Variants in COBLL1 observed in about 807,000 individuals in gnomAD.
COBLL1 encodes the protein cordon-bleu WH2 repeat protein like 1, also known as cordon-bleu protein-like 1.
In COBLL1, 50 loss-of-function variants were observed where a neutral mutation model predicts 94.8. The ratio of observed to expected loss-of-function variants is 0.53; its 90% CI spans 0.42 to 0.67. COBLL1 has a LOEUF of 0.67. COBLL1 is among the 30% of genes least tolerant of loss of function. The probability of loss-of-function intolerance (pLI) is 0.00; values close to 1 mark genes in which losing one functional copy is unlikely to be tolerated. For synonymous variants in COBLL1, 448 were observed against 473.8 expected (o/e 0.95, Z 0.71); for missense variants, 1,362 against 1,348.7 (o/e 1.01, Z -0.15).
At chr2:164,761,125 C>T (rs181711115) in intron 2 of COBLL1, among the ~76,000 whole-genome samples, 1 of 152,154 alleles carries the variant, frequency 6.6e-6, no homozygotes, top group East Asian at 1.9e-4. Context: ...AATGCAAATA[C>T]TGGCCAGGCA....
chr2:164,814,533 C>T (rs918720960), intron 2 of COBLL1, among the ~76,000 whole-genome samples: 6 of 152,128 alleles, frequency 3.9e-5, no homozygotes, highest in African/African-American at 7.2e-5. Context: ...TTTCCATATA[C>T]GTTTATCTCA....
Position 164,704,523 on chromosome 2 carries a change from A to C in COBLL1, c.1151-5T>G. 1 of 1,609,068 alleles carries C rather than the reference A, an allele frequency of 6.2e-7. No individual in the cohort carries two copies. The highest frequency in any genetic ancestry group is 8.5e-7 in the Non-Finnish European group (1 of 1,175,458). ...CTCCATCTACTGGCTGTAAGGCTAA[A>C]GGAAAGAAGCAACACAACTTATAAA... On this transcript the variant is annotated splice_region_variant and splice_polypyrimidine_tract_variant and intron_variant, in intron 8 of 13. Transcript: ENST00000652658.
At chr2:164,740,969 G>A (rs1329255566) in intron 3 of COBLL1, among the ~76,000 whole-genome samples, 1 of 152,082 alleles carries the variant, frequency 6.6e-6, no homozygotes, top group East Asian at 1.9e-4. Flanking sequence ...GAGGCATGTG[G>A]TGAAGCTTAA....
At position 164,695,025 on chromosome 2, in the gene COBLL1, T is replaced by A; in HGVS notation, c.2367A>T (p.Pro789=). 6.2e-7 allele frequency: 1 copy of A among 1,613,960 alleles called. No homozygotes were observed. The highest frequency in any genetic ancestry group is 8.5e-7 in the Non-Finnish European group (1 of 1,179,960). Residue 789 remains proline (P), a synonymous_variant, in exon 12 of 14, where the codon CCA becomes CCT. Transcript: ENST00000652658. ...QTEDSAISES[P]EEPLPNLKPK... The stretch of plus-strand genomic sequence containing the variant: ...GTTTAAGGTTTGGCAGTGGCTCTTC[T>A]GGGCTTTCAGAAATAGCAGAATCTT...
chr2:164,759,863 A>G (rs192479524), intron 2 of COBLL1, among the ~76,000 whole-genome samples: 12 of 152,336 alleles, frequency 7.9e-5, no homozygotes, highest in African/African-American at 2.9e-4. Context: ...ATCTACCACT[A>G]CACACCTAAA....
intron 11 of COBLL1, 64 bp from the exon 12 acceptor site, chr2:164,695,900 C>G: frequency 3.2e-6 from 4 of 1,241,702 alleles, no homozygotes; most frequent in Non-Finnish European, 3.3e-6. Context: ...GTTTTTAATG[C>G]CTACTTTCTC....
At chr2:164,809,693 G>C (rs1294579460) in intron 2 of COBLL1, among the ~76,000 whole-genome samples, 1 of 151,882 alleles carries the variant, frequency 6.6e-6, no homozygotes, top group East Asian at 1.9e-4. Context: ...CCATTAAACA[G>C]ACTATAAAAT....
At position 164,841,201 on chromosome 2, in the gene COBLL1, C is replaced by T; in HGVS notation, c.-5G>A. 8.1e-7 allele frequency: 1 copy of T among 1,231,994 alleles called. No homozygotes were observed. Among genetic ancestry groups the T allele is most frequent in the East Asian group, 3.2e-5 (1 of 31,556 alleles). 76.3% of individuals were successfully genotyped at this position (1,231,994 alleles called of 1,614,324 possible). A position where few individuals can be genotyped will look rare whatever the true frequency, so the allele number is the denominator to read the frequency against. On this transcript the variant is annotated 5_prime_UTR_variant, in exon 2 of 14. Transcript: ENST00000652658. This position sits in a 1 kb window ranked among gnomAD's most constrained non-coding sequence, Gnocchi z 5.5. ...GCGCGGGGTTCGGCCGTCCATCGCCCTGCGGGGCGCTGCGCGGGCTCCAGC... is the reference window on the plus strand; with the variant it reads ...GCGCGGGGTTCGGCCGTCCATCGCCTTGCGGGGCGCTGCGCGGGCTCCAGC...
rs1318837288 is a variant in COBLL1 at position 164,699,476 on chromosome 2, T to A, written c.1484A>T (p.Asp495Val). 23 of 1,611,498 alleles carry A rather than the reference T, an allele frequency of 1.4e-5. No homozygotes were observed. Among genetic ancestry groups the A allele is most frequent in the Non-Finnish European group, 2.0e-5 (23 of 1,177,914 alleles). The change falls in exon 11 of 14, where the codon GAT (aspartate) becomes GTT (valine). Residue 495 changes from aspartate to valine, a missense_variant. Physicochemically the swap from Asp to Val is radical, Grantham distance 152. Coordinates refer to ENST00000652658, the MANE Select transcript of COBLL1 (RefSeq NM_001365672.2). Reference sequence around the variant, plus strand: ...AACTACCTTCTTTCCATTGCTTGTATCATATACTACACTGTGTGGTTCTCT... The same window carrying A: ...AACTACCTTCTTTCCATTGCTTGTAACATATACTACACTGTGTGGTTCTCT... The part of the protein sequence containing the change: ...DGQEPHSVVY[D>V]TSNGKKVVDS...
At chr2:164,799,007 AAG>A (rs1180103914) in intron 2 of COBLL1, among the ~76,000 whole-genome samples, 1 of 107,908 alleles carries the variant, frequency 9.3e-6, no homozygotes, top group Non-Finnish European at 1.8e-5. Flanking sequence ...GTGACAGAGC[AAG>A]ACTCCGTCTC....
intron 2 of COBLL1, among the ~76,000 whole-genome samples, chr2:164,791,606 G>A (rs991781901): frequency 4.6e-5 from 7 of 152,160 alleles, no homozygotes; most frequent in Admixed American, 1.3e-4. Flanking sequence ...TTACAGAGGC[G>A]AAAATCCTAA....
At chr2:164,810,613 A>T (rs1277661175) in intron 2 of COBLL1, among the ~76,000 whole-genome samples, 2 of 151,838 alleles carry the variant, frequency 1.3e-5, no homozygotes, top group East Asian at 3.9e-4. Flanking sequence ...CATGTCATGA[A>T]CATATTTTAG....
rs543005860 is a variant in COBLL1, at chr2:164,805,287, GTCTC to G, written c.41+35865_41+35868del. ...TACTGATATATTATTCTCTCTGTCT[GTCTC>G]TCTCTCTCTCTCTCTCTCTCTCTCT... On this transcript the variant is annotated intron_variant, in intron 2 of 13. Transcript: ENST00000652658. Among the ~76,000 whole-genome samples, 144 of 34,132 alleles carry G rather than the reference GTCTC, an allele frequency of 4.2e-3. 1 individual carries two copies. Among genetic ancestry groups the G allele is most frequent in the Admixed American group, 9.5e-3 (19 of 2,006 alleles). The allele number at this position is 34,132 out of a possible 152,430, so 22.4% of individuals were successfully genotyped here. A position where few individuals can be genotyped will look rare whatever the true frequency, so the allele number is the denominator to read the frequency against.
At chr2:164,661,100 T>G (rs1691063563) in intron 2 of COBLL1, among the ~76,000 whole-genome samples, 1 of 152,150 alleles carries the variant, frequency 6.6e-6, no homozygotes, top group South Asian at 2.1e-4. Flanking sequence ...ATAATAAAAG[T>G]AATGGAGTTT....
chr2:164,730,500 T>C (rs1685948486), intron 3 of COBLL1, among the ~76,000 whole-genome samples: 1 of 148,098 alleles, frequency 6.8e-6, no homozygotes, highest in South Asian at 2.1e-4. Context: ...CCTGTCATAA[T>C]AATAATAACA....
intron 3 of COBLL1, among the ~76,000 whole-genome samples, chr2:164,739,031 T>A (rs1686464380): frequency 6.6e-6 from 1 of 152,110 alleles, no homozygotes; most frequent in African/African-American, 2.4e-5. Context: ...AGTCCAACCA[T>A]CCATGATATT....
chr2:164,734,878 G>T (rs1231688301), intron 3 of COBLL1, among the ~76,000 whole-genome samples: 1 of 152,170 alleles, frequency 6.6e-6, no homozygotes, highest in African/African-American at 2.4e-5. Context: ...GTCAAATAAA[G>T]GATGAAATTT....
chr2:164,830,104 C>T (rs1682999307), intron 2 of COBLL1, among the ~76,000 whole-genome samples: 1 of 152,194 alleles, frequency 6.6e-6, no homozygotes, highest in Non-Finnish European at 1.5e-5. Flanking sequence ...GTAAAAGATG[C>T]TGACCATGGA....
chr2:164,717,077 G>A (rs917179521), intron 7 of COBLL1, among the ~76,000 whole-genome samples: 3 of 151,922 alleles, frequency 2.0e-5, no homozygotes, highest in Admixed American at 1.3e-4. Context: ...TTATTTACCC[G>A]CATGAATAAG....
Sources: gnomAD v4.1 joint callset for allele counts (sites outside exome capture counted in the v4.1 genomes callset) on GRCh38, gnomAD v4.1.1 for gene constraint, Gnocchi (gnomAD v3.1) non-coding constraint, MANE v1.5 for transcripts, NCBI Gene and HGNC (gene_info 2026-07-23, HGNC 2026-07-21) for gene names.